JAK1: variants seen among roughly 807,000 people sequenced by gnomAD.
JAK1 encodes Janus kinase 1.
Under a neutral mutation model 136.6 loss-of-function variants are expected in JAK1, and 16 were observed. The ratio of observed to expected loss-of-function variants is 0.12; its 90% confidence interval spans 0.08 to 0.18. JAK1 has a LOEUF of 0.18. JAK1 is among the 10% of genes least tolerant of loss of function. The probability of loss-of-function intolerance (pLI) is 1.00; values close to 1 mark genes in which losing one functional copy is unlikely to be tolerated. For synonymous variants in JAK1, 492 were observed against 519.5 expected (o/e 0.95, Z 0.72); for missense variants, 859 against 1,450.1 (o/e 0.59, Z 6.62).
rs310216 is a variant in JAK1 at position 64,850,992 on chromosome 1, G to A, written c.1649-82C>T. ...AGCCAACGTCTGCTGAGCCGGGGCCGTGGGACCGGTGTGCGGGCGCTTGCT... is the reference window on the plus strand; with the variant it reads ...AGCCAACGTCTGCTGAGCCGGGGCCATGGGACCGGTGTGCGGGCGCTTGCT... On this transcript the variant is annotated intron_variant, in intron 11 of 24. Transcript: ENST00000342505. 252,755 of 908,368 alleles carry A rather than the reference G, an allele frequency of 0.28. 38,936 individuals carry two copies. Among genetic ancestry groups the A allele is most frequent in the African/African-American group, 0.58 (35,678 of 61,482 alleles). 56.3% of individuals were successfully genotyped at this position (908,368 alleles called of 1,614,324 possible). A position where few individuals can be genotyped will look rare whatever the true frequency, so the allele number is the denominator to read the frequency against.
chr1:64,915,180 G>C lies in JAK1; in HGVS notation c.-77-28839C>G, dbSNP rs1056499958. Among the ~76,000 whole-genome samples, 13 of 152,010 alleles carry C rather than the reference G, an allele frequency of 8.6e-5. No individual in the cohort carries two copies. In the East Asian group the frequency reaches 2.3e-3, roughly 27 times the overall value. On this transcript the variant is annotated intron_variant, in intron 1 of 24. Coordinates refer to ENST00000342505, the MANE Select transcript of JAK1 (RefSeq NM_002227.4). Reference sequence around the variant, plus strand: ...GAAATACCCAATTTCACTCCCTTCTGAAACTCCACTAAAATATAGTACATA... The same window carrying C: ...GAAATACCCAATTTCACTCCCTTCTCAAACTCCACTAAAATATAGTACATA...
At chr1:65,063,617 A>T (rs1287222123) in intron 1 of JAK1, among the ~76,000 whole-genome samples, 2 of 152,168 alleles carry the variant, frequency 1.3e-5, no homozygotes, top group African/African-American at 4.8e-5. Context: ...CAGCCTGGCC[A>T]ACGTGGGGAA....
chr1:65,035,295 T>C (rs1217971332), intron 2 of JAK1, among the ~76,000 whole-genome samples: 1 of 152,194 alleles, frequency 6.6e-6, no homozygotes, highest in Non-Finnish European at 1.5e-5. Flanking sequence ...CTGTAGTTTC[T>C]AGACAGAGCC....
At chr1:64,937,674 A>C (rs1015989259) in intron 1 of JAK1, among the ~76,000 whole-genome samples, 5 of 151,502 alleles carry the variant, frequency 3.3e-5, no homozygotes, top group African/African-American at 1.2e-4. Flanking sequence ...ATAGAATGAC[A>C]AAAAAAAACC....
At chr1:65,048,177 T>TA (rs1290216588) in intron 1 of JAK1, among the ~76,000 whole-genome samples, 4 of 147,688 alleles carry the variant, frequency 2.7e-5, no homozygotes, top group African/African-American at 1.0e-4. Flanking sequence ...AGGATGCTGA[T>TA]AAGAATCTGT....
chr1:64,886,669 G>A (rs1030274830), intron 1 of JAK1, among the ~76,000 whole-genome samples: 1 of 151,770 alleles, frequency 6.6e-6, no homozygotes, highest in African/African-American at 2.4e-5. Context: ...TCTCCTGATT[G>A]TGTGAACAAT....
At chr1:64,923,062 G>A (rs1303377285) in intron 1 of JAK1, among the ~76,000 whole-genome samples, 1 of 152,146 alleles carries the variant, frequency 6.6e-6, no homozygotes, top group Non-Finnish European at 1.5e-5. Flanking sequence ...TAATAACTTG[G>A]AAAGTTGGGG....
At position 64,883,373 on chromosome 1, in the gene JAK1, C is replaced by A; in HGVS notation, c.109G>T (p.Glu37Ter). 1 of 1,614,178 alleles carries A rather than the reference C, an allele frequency of 6.2e-7. No individual in the cohort carries two copies. The change falls in exon 3 of 25, where the codon GAA becomes TAA. Residue 37 changes from glutamate to a stop codon, truncating the protein, a stop_gained. Transcript: ENST00000342505. LOFTEE classifies it high-confidence loss of function. ...VNLEAPEPGV[E>*]VIFYLSDREP... ...CTGTCCGACAGATAGAAGATCACTT[C>A]CACCCCTGGCTCAGGGGCCTCCAGG...
chr1:65,024,805 C>G (rs1161811605), intron 2 of JAK1, among the ~76,000 whole-genome samples: 2 of 151,974 alleles, frequency 1.3e-5, no homozygotes, highest in Non-Finnish European at 2.9e-5. Context: ...GGTGAGACCC[C>G]ATTTCTACTA....
chr1:64,859,708 G>A (rs1452070716), intron 9 of JAK1: 1 of 155,002 alleles, frequency 6.5e-6, no homozygotes, highest in Non-Finnish European at 1.4e-5. Context: ...CTGGGCTCAA[G>A]TGATCCTCCC....
chr1:64,864,434 G>A (rs188450427), intron 8 of JAK1, among the ~76,000 whole-genome samples: 12 of 152,362 alleles, frequency 7.9e-5, no homozygotes, highest in South Asian at 2.1e-4. Context: ...CTTCAGCTCA[G>A]CAGAGAGGCC....
upstream of JAK1, among the ~76,000 whole-genome samples, chr1:64,967,832 G>A (rs1450396823): frequency 6.6e-6 from 1 of 152,114 alleles, no homozygotes. Flanking sequence ...AAAGAAGACC[G>A]GAGATCAGAG....
intron 1 of JAK1, among the ~76,000 whole-genome samples, chr1:64,933,712 T>C (rs769729620): frequency 6.6e-5 from 10 of 152,216 alleles, no homozygotes; most frequent in Admixed American, 2.0e-4. Context: ...TGTCTCTGAC[T>C]ACATGACAAA....
At chr1:65,053,246 C>G (rs1647371063) in intron 1 of JAK1, among the ~76,000 whole-genome samples, 1 of 151,526 alleles carries the variant, frequency 6.6e-6, no homozygotes, top group African/African-American at 2.4e-5. Flanking sequence ...ACTCGGGAGG[C>G]TGAGGCAGGA....
At chr1:65,023,579 G>T (rs1353851768) in intron 2 of JAK1, among the ~76,000 whole-genome samples, 2 of 151,720 alleles carry the variant, frequency 1.3e-5, no homozygotes, top group Admixed American at 6.6e-5. Context: ...CACCTCCTGG[G>T]TTCATGCCAT....
At chr1:65,009,207 A>C (rs1646827551) in intron 2 of JAK1, among the ~76,000 whole-genome samples, 2 of 152,224 alleles carry the variant, frequency 1.3e-5, no homozygotes, top group South Asian at 4.1e-4. Context: ...ATAATCACTA[A>C]GATGAAAAGA....
rs1409692738 is a variant in JAK1 at position 64,978,460 on chromosome 1, C to T, written c.-78+66020G>A. ...GTGTTACTAATCTTATTTATTATGG[C>T]TTTAATCTAATTGAAGGCTTTCGTG... On this transcript the variant is annotated intron_variant, in intron 2 of 25. Transcript: ENST00000671954. 1.8e-4 allele frequency among the ~76,000 whole-genome samples: 27 copies of T among 152,288 alleles called. 1 individual carries two copies. Among genetic ancestry groups the T allele is most frequent in the Non-Finnish European group, 7.4e-5 (5 of 68,016 alleles).
At chr1:64,876,916 T>C (rs1401922236) in intron 4 of JAK1, among the ~76,000 whole-genome samples, 1 of 152,230 alleles carries the variant, frequency 6.6e-6, no homozygotes, top group Non-Finnish European at 1.5e-5. Context: ...TATATGCAGA[T>C]ATTATACACA....
At chr1:64,849,648 C>T (rs1305942672) in intron 12 of JAK1, among the ~76,000 whole-genome samples, 1 of 152,272 alleles carries the variant, frequency 6.6e-6, no homozygotes, top group Non-Finnish European at 1.5e-5. Context: ...CAGGAGCCTG[C>T]TGAAGCAGCA....
Sources: allele counts gnomAD v4.1 joint callset (sites outside exome capture counted in the v4.1 genomes callset), GRCh38; gene constraint gnomAD v4.1.1; transcripts MANE v1.5; gene names NCBI Gene and HGNC (gene_info 2026-07-23, HGNC 2026-07-21).